APBA1: variants seen among roughly 807,000 people sequenced by gnomAD.
The protein encoded by APBA1 is amyloid-beta A4 precursor protein-binding family A member 1.
Under a neutral mutation model 86.6 loss-of-function variants are expected in APBA1, and 55 were observed. The observed-to-expected ratio is 0.64, with a 90% confidence interval of 0.51 to 0.80. The LOEUF (loss-of-function observed/expected upper bound fraction) is 0.80. Ranked by LOEUF, APBA1 falls within the 30% of genes least tolerant of loss-of-function variation. The pLI is 0.00. For missense variants in APBA1, 1,090 were observed against 1,183.0 expected, an observed-to-expected ratio of 0.92 and a Z score of 1.15; for synonymous variants, 511 against 493.9, an observed-to-expected ratio of 1.03 and a Z score of -0.46.
At chr9:69,526,999 T>C (rs1436396941) in intron 1 of APBA1, among the ~76,000 whole-genome samples, 1 of 152,146 alleles carries the variant, frequency 6.6e-6, no homozygotes, top group African/African-American at 2.4e-5. Flanking sequence ...ACACTACATG[T>C]TCTCACTTAC....
Position 69,456,314 on chromosome 9 carries a change from G to C in APBA1, c.1721C>G (p.Ala574Gly), listed in dbSNP as rs777319156. 6.2e-7 allele frequency: 1 copy of C among 1,614,060 alleles called. No homozygotes were observed. Among genetic ancestry groups the C allele is most frequent in the Non-Finnish European group, 8.5e-7 (1 of 1,180,034 alleles). ...TTTCCCATCCTGGGATGGGTGGGAC[G>C]CTTCCACGTTCTCCTGGGAGTTGGA... ...PRSNSQENVE[A>G]SHPSQDGKRQ... is the part of the protein sequence containing the mutation. The change falls in exon 8 of 13, where the codon GCG (alanine) becomes GGG (glycine). Residue 574 changes from alanine to glycine, a missense_variant. This residue lies in a region of APBA1 where 103 missense variants were observed against 91.9 expected (regional missense o/e 1.12). Transcript: ENST00000265381.
intron 1 of APBA1, among the ~76,000 whole-genome samples, chr9:69,550,604 G>A (rs1836768548): frequency 6.6e-6 from 1 of 152,190 alleles, no homozygotes; most frequent in Non-Finnish European, 1.5e-5. Flanking sequence ...ATTGTGATAA[G>A]CACGAGGGAT....
chr9:69,617,995 G>T (rs1156965911), intron 1 of APBA1, among the ~76,000 whole-genome samples: 8 of 152,112 alleles, frequency 5.3e-5, no homozygotes. Context: ...TAACCTAAGA[G>T]CAGCAAATAC....
intron 2 of APBA1, among the ~76,000 whole-genome samples, chr9:69,485,231 T>C (rs1193518119): frequency 1.3e-5 from 2 of 152,062 alleles, no homozygotes; most frequent in Non-Finnish European, 1.5e-5. Flanking sequence ...CCCTGTCTAA[T>C]GGAAGCCTAA....
chr9:69,456,578 G>C (rs183303717), intron 7 of APBA1, 146 bp from the exon 8 acceptor site: 194 of 780,642 alleles, frequency 2.5e-4, no homozygotes, highest in Middle Eastern at 1.9e-3. Flanking sequence ...AGGGATCAAC[G>C]GATACCCACC....
At chr9:69,482,405 A>G (rs1030421860) in intron 2 of APBA1, among the ~76,000 whole-genome samples, 4 of 151,576 alleles carry the variant, frequency 2.6e-5, no homozygotes, top group African/African-American at 9.7e-5. Context: ...GAGAAATGCA[A>G]ATCAAAACCA....
chr9:69,570,170 G>T (rs185403831), intron 1 of APBA1, among the ~76,000 whole-genome samples: 94 of 152,326 alleles, frequency 6.2e-4, no homozygotes, highest in Admixed American at 1.2e-3. Flanking sequence ...ACAGTCACTT[G>T]CTTTATGCGA....
At chr9:69,458,353 C>T (rs1008558255) in intron 5 of APBA1, among the ~76,000 whole-genome samples, 165 bp from the exon 6 acceptor site, 1 of 152,168 alleles carries the variant, frequency 6.6e-6, no homozygotes, top group African/African-American at 2.4e-5. Flanking sequence ...TAATCAATGT[C>T]GTAATTCAGA....
intron 1 of APBA1, among the ~76,000 whole-genome samples, chr9:69,523,475 ATG>A (rs1182596618): frequency 2.2e-4 from 18 of 83,404 alleles, no homozygotes; most frequent in South Asian, 3.5e-4. Flanking sequence ...ATATATATAT[ATG>A]TATATATATA....
At chr9:69,467,994 G>C in intron 4 of APBA1, 26 bp from the exon 5 acceptor site, 1 of 1,609,674 alleles carries the variant, frequency 6.2e-7, no homozygotes, top group African/African-American at 1.3e-5. Flanking sequence ...CCACAGTGAG[G>C]AAGCCATCCT....
rs188036040 is a variant in APBA1 at position 69,653,099 on chromosome 9, G to A, written c.-70+19054C>T. ...AAGACATGCATAGACTGAAAGTGAAGGAATGGAAAAATATATTCCATGCAA... is the reference window on the plus strand; with the variant it reads ...AAGACATGCATAGACTGAAAGTGAAAGAATGGAAAAATATATTCCATGCAA... On this transcript the variant is annotated intron_variant, in intron 1 of 12. Transcript: ENST00000265381. 4.3e-3 allele frequency among the ~76,000 whole-genome samples: 653 copies of A among 151,592 alleles called. 6 individuals carry two copies. Among genetic ancestry groups the A allele is most frequent in the Middle Eastern group, 0.01 (3 of 290 alleles).
At chr9:69,496,981 C>T (rs922519618) in intron 2 of APBA1, among the ~76,000 whole-genome samples, 1 of 152,032 alleles carries the variant, frequency 6.6e-6, no homozygotes, top group African/African-American at 2.4e-5. Flanking sequence ...ATGACCAGCA[C>T]ACGTAAGACT....
At chr9:69,534,374 A>G (rs1836477611) in intron 1 of APBA1, among the ~76,000 whole-genome samples, 1 of 152,178 alleles carries the variant, frequency 6.6e-6, no homozygotes. Context: ...AGTGGAAGTG[A>G]GGATGTCATT....
At chr9:69,474,727 G>A (rs1185120353) in intron 3 of APBA1, among the ~76,000 whole-genome samples, 2 of 152,174 alleles carry the variant, frequency 1.3e-5, no homozygotes, top group Non-Finnish European at 2.9e-5. Context: ...TCATTTCAGA[G>A]AAGGTCTATG....
chr9:69,612,972 C>T (rs1440356550), intron 1 of APBA1, among the ~76,000 whole-genome samples: 2 of 151,842 alleles, frequency 1.3e-5, no homozygotes, highest in Admixed American at 1.3e-4. Flanking sequence ...GATTTTTGTC[C>T]TAACGTAAAA....
At chr9:69,605,231 T>C (rs1488029858) in intron 1 of APBA1, among the ~76,000 whole-genome samples, 3 of 152,188 alleles carry the variant, frequency 2.0e-5, no homozygotes, top group Non-Finnish European at 4.4e-5. Context: ...GGAACAATGT[T>C]TCTGCACTTG....
rs536561981 is a variant in APBA1, at chr9:69,447,825, G to A, written c.2181+1759C>T. Among the ~76,000 whole-genome samples the A allele has an allele frequency of 7.2e-5, 11 of 152,258 alleles. No individual in the cohort carries two copies. The East Asian group carries it at 1.7e-3, about 24-fold the overall frequency. On this transcript the variant is annotated intron_variant, in intron 10 of 12. Coordinates refer to ENST00000265381, the MANE Select transcript of APBA1 (RefSeq NM_001163.4). The stretch of plus-strand genomic sequence containing the variant: ...ATCCAGAGCACAGACACACAGCACT[G>A]AGCACTGTGAGCCATAAGTCCTTTC...
At chr9:69,525,069 A>G (rs747286100) in intron 1 of APBA1, among the ~76,000 whole-genome samples, 10 of 152,222 alleles carry the variant, frequency 6.6e-5, no homozygotes, top group Non-Finnish European at 1.2e-4. Context: ...GTAGGCATCA[A>G]AGGAACATAC....
chr9:69,581,773 A>G (rs12555100), intron 1 of APBA1, among the ~76,000 whole-genome samples: 11,245 of 152,020 alleles, frequency 0.074, 590 homozygotes, highest in African/African-American at 0.14. Flanking sequence ...CAGCTATGTG[A>G]CCCCGGTCAA....
Sources: gnomAD v4.1 joint callset for allele counts (sites outside exome capture counted in the v4.1 genomes callset) on GRCh38, gnomAD v4.1.1 for gene constraint, gnomAD v4.1.1 regional missense constraint, MANE v1.5 for transcripts, NCBI Gene and HGNC (gene_info 2026-07-23, HGNC 2026-07-21) for gene names.